SYN2: variants seen among roughly 807,000 people sequenced by gnomAD.
The protein encoded by SYN2 is synapsin II, also known as synapsin-2.
A neutral mutation model predicts 50.9 loss-of-function variants in SYN2; 19 were observed. The ratio of observed to expected loss-of-function variants is 0.37; its 90% CI spans 0.26 to 0.55. The LOEUF is 0.55. Ranked by LOEUF, SYN2 falls within the 20% of genes least tolerant of loss-of-function variation. The probability of loss-of-function intolerance (pLI) is 0.81; values close to 1 mark genes in which losing one functional copy is unlikely to be tolerated. For missense variants in SYN2, 587 were observed against 576.4 expected, an observed-to-expected ratio of 1.02 and a Z score of -0.19; for synonymous variants, 255 against 224.9, an observed-to-expected ratio of 1.13 and a Z score of -1.20.
chr3:12,114,152 G>A (rs2125197022), intron 1 of SYN2, among the ~76,000 whole-genome samples: 1 of 151,696 alleles, frequency 6.6e-6, no homozygotes, highest in South Asian at 2.1e-4. Flanking sequence ...CTAGTGGTGT[G>A]AAGTGATATC....
intron 5 of SYN2, among the ~76,000 whole-genome samples, chr3:12,156,111 G>A (rs1697448637): frequency 6.6e-6 from 1 of 152,202 alleles, no homozygotes; most frequent in African/African-American, 2.4e-5. Flanking sequence ...GTCATTCATT[G>A]CTGAATGTGT....
At chr3:12,177,613 C>T (rs1344456673) in intron 10 of SYN2, among the ~76,000 whole-genome samples, 1 of 152,094 alleles carries the variant, frequency 6.6e-6, no homozygotes, top group Admixed American at 6.5e-5. Flanking sequence ...TTCCTGCTTC[C>T]CACAGCAGGA....
At chr3:12,088,208 TCAATAA>T (rs1317367408) in intron 1 of SYN2, among the ~76,000 whole-genome samples, 1 of 152,044 alleles carries the variant, frequency 6.6e-6, no homozygotes, top group East Asian at 1.9e-4. Context: ...CTCAAACAAC[TCAATAA>T]CAAGAAAACA....
intron 1 of SYN2, among the ~76,000 whole-genome samples, chr3:12,052,873 C>T (rs964933630): frequency 3.9e-5 from 6 of 152,190 alleles, no homozygotes; most frequent in African/African-American, 1.4e-4. Flanking sequence ...GATTTGAACT[C>T]ACATCCTACT....
intron 1 of SYN2, among the ~76,000 whole-genome samples, chr3:12,014,176 A>AGG (rs989491470): frequency 6.6e-6 from 1 of 152,204 alleles, no homozygotes; most frequent in African/African-American, 2.4e-5. Context: ...GAGGACAGAC[A>AGG]GGCTGAATGT....
chr3:12,101,640 T>C (rs1238724442), intron 1 of SYN2, among the ~76,000 whole-genome samples: 1 of 152,182 alleles, frequency 6.6e-6, no homozygotes, highest in Non-Finnish European at 1.5e-5. Flanking sequence ...ATGTGAATTC[T>C]ATCTTAATGT....
At chr3:12,176,464 C>T (rs1698070528) in intron 10 of SYN2, among the ~76,000 whole-genome samples, 1 of 152,170 alleles carries the variant, frequency 6.6e-6, no homozygotes, top group Admixed American at 6.5e-5. Flanking sequence ...TCATTTATGC[C>T]ACAGAGCTGG....
At chr3:12,025,602 A>G (rs1375429227) in intron 1 of SYN2, among the ~76,000 whole-genome samples, 1 of 152,106 alleles carries the variant, frequency 6.6e-6, no homozygotes, top group Non-Finnish European at 1.5e-5. Flanking sequence ...GTCTAAACCA[A>G]TCACATTACA....
chr3:12,151,481 A>G (rs963966966), intron 5 of SYN2, among the ~76,000 whole-genome samples, 155 bp downstream of exon 5: 2 of 152,196 alleles, frequency 1.3e-5, no homozygotes, highest in African/African-American at 4.8e-5. Flanking sequence ...GAATAACTAG[A>G]TTTTAGCTGA....
At chr3:12,114,771 A>C (rs1174967612) in intron 1 of SYN2, among the ~76,000 whole-genome samples, 2 of 152,160 alleles carry the variant, frequency 1.3e-5, no homozygotes, top group Non-Finnish European at 2.9e-5. Context: ...TTCTTCTTTG[A>C]GCATCCCCTC....
chr3:12,041,682 C>T (rs1048100056), intron 1 of SYN2, among the ~76,000 whole-genome samples: 3 of 152,156 alleles, frequency 2.0e-5, no homozygotes, highest in Non-Finnish European at 4.4e-5. Flanking sequence ...TAAATGCTGC[C>T]AGGCTTTTTT....
At chr3:12,007,142 A>G (rs1387231924) in intron 1 of SYN2, among the ~76,000 whole-genome samples, 1 of 152,318 alleles carries the variant, frequency 6.6e-6, no homozygotes, top group East Asian at 1.9e-4. Flanking sequence ...TTTGGATAGT[A>G]TTCTCTAGGA....
At chr3:12,104,570 CTTTTTTTTTT>C (rs796837275) in intron 1 of SYN2, among the ~76,000 whole-genome samples, 3 of 81,726 alleles carry the variant, frequency 3.7e-5, no homozygotes, top group East Asian at 7.9e-4. Context: ...CTTTTCTTTT[CTTTTTTTTTT>C]TTTTTTTTTT....
rs754090804 is a variant in SYN2 at position 12,004,948 on chromosome 3, G to A, written c.377+20G>A. 4.4e-5 allele frequency: 22 copies of A among 498,108 alleles called. No homozygotes were observed. The highest frequency in any genetic ancestry group is 7.4e-5 in the Non-Finnish European group (21 of 284,302). 30.9% of individuals were successfully genotyped at this position (498,108 alleles called of 1,614,324 possible). On this transcript the variant is annotated intron_variant, in intron 1 of 12. Coordinates refer to ENST00000621198, the MANE Select transcript of SYN2 (RefSeq NM_133625.6). ...CGACTGGTAGGTGCCGGGCGCCGCCGCCCTCGGGGGTCGGGGTCCGCCGGC... is the reference window on the plus strand; with the variant it reads ...CGACTGGTAGGTGCCGGGCGCCGCCACCCTCGGGGGTCGGGGTCCGCCGGC...
intron 1 of SYN2, among the ~76,000 whole-genome samples, chr3:12,061,625 T>C (rs1419439452): frequency 6.6e-6 from 1 of 152,028 alleles, no homozygotes; most frequent in Non-Finnish European, 1.5e-5. Flanking sequence ...ACAGGTGACA[T>C]GATTGTCTAT....
intron 10 of SYN2, among the ~76,000 whole-genome samples, chr3:12,181,225 G>A (rs954409070): frequency 4.6e-5 from 7 of 152,232 alleles, no homozygotes; most frequent in African/African-American, 1.7e-4. Flanking sequence ...TCTCTGGGAG[G>A]AGAACATCGT....
intron 10 of SYN2, among the ~76,000 whole-genome samples, chr3:12,178,723 T>C (rs1451460620): frequency 6.6e-6 from 1 of 152,234 alleles, no homozygotes; most frequent in African/African-American, 2.4e-5. Flanking sequence ...ATTTTTTAAA[T>C]AGTAGTAGGA....
chr3:12,147,614 C>T (rs1161262426), intron 4 of SYN2, among the ~76,000 whole-genome samples: 1 of 152,174 alleles, frequency 6.6e-6, no homozygotes. Context: ...CACGTGCACC[C>T]CCGGTACTTG....
intron 10 of SYN2, among the ~76,000 whole-genome samples, chr3:12,173,344 C>A (rs1164789376): frequency 6.6e-6 from 1 of 152,196 alleles, no homozygotes; most frequent in African/African-American, 2.4e-5. Flanking sequence ...AGCTGTCAAA[C>A]TAGATTACCT....
Sources: allele counts gnomAD v4.1 joint callset (sites outside exome capture counted in the v4.1 genomes callset), GRCh38; gene constraint gnomAD v4.1.1; transcripts MANE v1.5; gene names NCBI Gene and HGNC (gene_info 2026-07-23, HGNC 2026-07-21).